Variants in GRM8 observed in about 807,000 individuals in gnomAD.
The protein encoded by GRM8 is metabotropic glutamate receptor 8.
GRM8 carries 47 observed loss-of-function variants against 87.2 expected under a neutral mutation model. That is an observed-to-expected ratio of 0.54 (90% confidence interval 0.43 to 0.69). The LOEUF (loss-of-function observed/expected upper bound fraction) is 0.69. GRM8 is among the 30% of genes least tolerant of loss of function. GRM8 has a pLI of 0.00. For missense variants in GRM8, 1,019 were observed against 1,139.2 expected (o/e 0.89, Z 1.52); for synonymous variants, 396 against 404.5 (o/e 0.98, Z 0.25).
intron 8 of GRM8, among the ~76,000 whole-genome samples, chr7:126,605,114 T>A (rs917651830): frequency 1.3e-5 from 2 of 152,126 alleles, no homozygotes; most frequent in Non-Finnish European, 2.9e-5. Flanking sequence ...CCATACAGCA[T>A]CCCCAGTACA....
intron 3 of GRM8, among the ~76,000 whole-genome samples, chr7:126,974,936 C>CAAAA (rs36129145): frequency 0.012 from 698 of 59,614 alleles, 65 homozygotes; most frequent in African/African-American, 0.035. Flanking sequence ...ACTCTTGTCT[C>CAAAA]AAAAAAAAAA....
intron 3 of GRM8, among the ~76,000 whole-genome samples, chr7:127,016,562 T>A (rs1815688863): frequency 6.6e-6 from 1 of 152,058 alleles, no homozygotes; most frequent in Admixed American, 6.6e-5. Flanking sequence ...CAACAGAACA[T>A]GGTGACAGAG....
At chr7:126,967,845 A>G (rs1340202107) in intron 3 of GRM8, among the ~76,000 whole-genome samples, 1 of 152,218 alleles carries the variant, frequency 6.6e-6, no homozygotes, top group Non-Finnish European at 1.5e-5. Flanking sequence ...GAACAGTACT[A>G]TTAATATACA....
chr7:127,181,426 G>C (rs1470059624), intron 2 of GRM8, among the ~76,000 whole-genome samples: 1 of 152,010 alleles, frequency 6.6e-6, no homozygotes, highest in Non-Finnish European at 1.5e-5. Context: ...ACTGCCAAAA[G>C]CAATCTATAC....
At chr7:127,059,331 C>CTT (rs10618329) in intron 3 of GRM8, among the ~76,000 whole-genome samples, 23 of 130,600 alleles carry the variant, frequency 1.8e-4, no homozygotes, top group Admixed American at 3.1e-4. Context: ...TTTTTTTTTG[C>CTT]TTTTTTTTTT....
intron 7 of GRM8, among the ~76,000 whole-genome samples, chr7:126,673,531 A>C (rs1806611470): frequency 6.6e-6 from 1 of 152,200 alleles, no homozygotes; most frequent in Non-Finnish European, 1.5e-5. Context: ...CAGGATCAAC[A>C]CACCAAGAAC....
rs1347595461 is a variant in GRM8 at position 126,819,759 on chromosome 7, G to C, written c.1157-49694C>G. On this transcript the variant is annotated intron_variant, in intron 6 of 10. Coordinates refer to ENST00000339582, the MANE Select transcript of GRM8 (RefSeq NM_000845.3). The stretch of plus-strand genomic sequence containing the variant: ...AAATAGATTTTTTAAAAAAACTATA[G>C]AAATACTAGTAGGAAATAAAAAGTC... Among the ~76,000 whole-genome samples the C allele has an allele frequency of 2.0e-5, 3 of 151,924 alleles. No homozygotes were observed. In the East Asian group the frequency reaches 5.8e-4, roughly 29 times the overall value.
intron 7 of GRM8, among the ~76,000 whole-genome samples, chr7:126,716,375 G>C (rs1380232972): frequency 6.6e-6 from 1 of 150,552 alleles, no homozygotes; most frequent in East Asian, 1.9e-4. Flanking sequence ...TGACAGCTAA[G>C]TTATTTCTCT....
intron 8 of GRM8, among the ~76,000 whole-genome samples, chr7:126,552,030 T>C (rs975531690): frequency 6.6e-6 from 1 of 152,142 alleles, no homozygotes; most frequent in Non-Finnish European, 1.5e-5. Flanking sequence ...ATTCATCTTC[T>C]TTTACATGTC....
At chr7:126,988,770 C>A (rs546819136) in intron 3 of GRM8, among the ~76,000 whole-genome samples, 1 of 152,264 alleles carries the variant, frequency 6.6e-6, no homozygotes, top group African/African-American at 2.4e-5. Flanking sequence ...TACATGCAAC[C>A]TGAATATTCT....
chr7:127,225,618 G>A (rs542193741), intron 2 of GRM8, among the ~76,000 whole-genome samples: 199 of 150,868 alleles, frequency 1.3e-3, no homozygotes, highest in African/African-American at 4.3e-3. Flanking sequence ...ATCAGTCAGC[G>A]TTGGTAAACT....
intron 6 of GRM8, among the ~76,000 whole-genome samples, chr7:126,781,524 A>T (rs1020995173): frequency 6.6e-6 from 1 of 152,202 alleles, no homozygotes; most frequent in African/African-American, 2.4e-5. Context: ...CTGAATAGTC[A>T]ATGTGATGAC....
At chr7:127,125,024 G>A (rs2133197933) in intron 2 of GRM8, among the ~76,000 whole-genome samples, 1 of 152,200 alleles carries the variant, frequency 6.6e-6, no homozygotes, top group African/African-American at 2.4e-5. Flanking sequence ...ATGGACATCT[G>A]TTGAAAAAAT....
At chr7:126,825,257 A>G (rs1025253584) in intron 6 of GRM8, among the ~76,000 whole-genome samples, 1 of 152,064 alleles carries the variant, frequency 6.6e-6, no homozygotes, top group Non-Finnish European at 1.5e-5. Context: ...TAGTAGAGAC[A>G]GGGTTTCACC....
At chr7:126,916,899 T>C (rs1803961834) in intron 3 of GRM8, among the ~76,000 whole-genome samples, 1 of 152,228 alleles carries the variant, frequency 6.6e-6, no homozygotes, top group Admixed American at 6.5e-5. Flanking sequence ...ATGTAGTGTT[T>C]CCCTAGGTAA....
At chr7:126,640,777 T>C (rs982541722) in intron 7 of GRM8, among the ~76,000 whole-genome samples, 1 of 152,066 alleles carries the variant, frequency 6.6e-6, no homozygotes, top group African/African-American at 2.4e-5. Flanking sequence ...TTCTGCTCTC[T>C]CCCTGTCTCC....
chr7:126,454,050 C>A (rs553067104), intron 9 of GRM8, among the ~76,000 whole-genome samples: 1 of 151,606 alleles, frequency 6.6e-6, no homozygotes, highest in Admixed American at 6.6e-5. Flanking sequence ...TAATTATTAT[C>A]ATTTGAACGG....
intron 6 of GRM8, among the ~76,000 whole-genome samples, chr7:126,849,903 C>T (rs1230705982): frequency 6.6e-6 from 1 of 152,098 alleles, no homozygotes. Flanking sequence ...TCTCCTGCAC[C>T]ATAATGTCCC....
chr7:126,465,346 T>TAC (rs113144201), intron 9 of GRM8: 48,984 of 148,770 alleles, frequency 0.33, 7,893 homozygotes, highest in East Asian at 0.37. Flanking sequence ...CAGTTTTCGA[T>TAC]ACACACACAC....
Sources: gnomAD v4.1 joint callset for allele counts (sites outside exome capture counted in the v4.1 genomes callset) on GRCh38, gnomAD v4.1.1 for gene constraint, MANE v1.5 for transcripts, NCBI Gene and HGNC (gene_info 2026-07-23, HGNC 2026-07-21) for gene names.